Variants in TCF12 observed in about 807,000 individuals in gnomAD.
TCF12 encodes the protein DNA-binding protein HTF4.
A neutral mutation model predicts 86.0 loss-of-function variants in TCF12; 45 were observed. The observed-to-expected ratio is 0.52, with a 90% CI of 0.41 to 0.67. The LOEUF is 0.67. Among genes scored for constraint, TCF12 ranks in the 30% least tolerant of loss-of-function variants. The probability of loss-of-function intolerance (pLI) is 0.00; values close to 1 mark genes in which losing one functional copy is unlikely to be tolerated. For missense variants in TCF12, 881 were observed against 859.9 expected (o/e 1.02, Z -0.31); for synonymous variants, 330 against 299.6 (o/e 1.10, Z -1.05).
intron 5 of TCF12, among the ~76,000 whole-genome samples, chr15:57,121,102 ATTTTGGCATGATCTG>A (rs2051196567): frequency 6.6e-6 from 1 of 152,248 alleles, no homozygotes; most frequent in Admixed American, 6.5e-5. Context: ...AAGAAGTAGC[ATTTTGGCATGATCTG>A]GAGCTGACAT....
chr15:57,113,791 A>AG (rs34419158), intron 5 of TCF12, among the ~76,000 whole-genome samples: 73,862 of 148,362 alleles, frequency 0.5, 19,804 homozygotes, highest in African/African-American at 0.69. Context: ...AAAAAAAAAA[A>AG]AAAAAAAAAT....
chr15:56,959,871 G>A (rs965108423), intron 3 of TCF12, among the ~76,000 whole-genome samples: 1 of 151,978 alleles, frequency 6.6e-6, no homozygotes, highest in African/African-American at 2.4e-5. Flanking sequence ...AAGTTCACAG[G>A]CATCTGTGTC....
At chr15:57,000,668 G>A (rs960657013) in intron 3 of TCF12, among the ~76,000 whole-genome samples, 1 of 152,030 alleles carries the variant, frequency 6.6e-6, no homozygotes, top group Non-Finnish European at 1.5e-5. Flanking sequence ...TAAGAAATCA[G>A]TGAACATAAA....
chr15:57,270,489 G>T (rs140680517), intron 18 of TCF12, among the ~76,000 whole-genome samples: 1 of 151,914 alleles, frequency 6.6e-6, no homozygotes, highest in Admixed American at 6.5e-5. Context: ...TTACTTCCTC[G>T]CAGTGGGTTA....
At chr15:57,166,929 C>A (rs191319445) in intron 6 of TCF12, among the ~76,000 whole-genome samples, 7 of 152,274 alleles carry the variant, frequency 4.6e-5, no homozygotes, top group Admixed American at 4.6e-4. Context: ...TTCGACTCTC[C>A]CACCTTCTCT....
intron 3 of TCF12, among the ~76,000 whole-genome samples, chr15:57,043,276 A>AT (rs1410688733): frequency 6.6e-6 from 1 of 152,088 alleles, no homozygotes; most frequent in African/African-American, 2.4e-5. Context: ...TGAGATCCTG[A>AT]TTTTAACTCT....
chr15:56,935,001 C>G (rs1350382197), intron 3 of TCF12, among the ~76,000 whole-genome samples: 2 of 152,172 alleles, frequency 1.3e-5, no homozygotes, highest in African/African-American at 2.4e-5. Flanking sequence ...GAAGATCTAT[C>G]TTAAATTGCA....
chr15:57,141,690 G>A (rs1489567861), intron 5 of TCF12, among the ~76,000 whole-genome samples: 1 of 152,148 alleles, frequency 6.6e-6, no homozygotes, highest in African/African-American at 2.4e-5. Context: ...TTATTTCACT[G>A]GAAACAGCTA....
intron 3 of TCF12, among the ~76,000 whole-genome samples, chr15:56,932,126 A>T (rs1395745413): frequency 6.6e-6 from 1 of 152,162 alleles, no homozygotes; most frequent in Non-Finnish European, 1.5e-5. Context: ...AATAAGTTAT[A>T]ATAGCAGTAG....
intron 5 of TCF12, among the ~76,000 whole-genome samples, chr15:57,115,256 C>G (rs1340111831): frequency 3.3e-5 from 5 of 152,156 alleles, no homozygotes; most frequent in African/African-American, 7.2e-5. Context: ...TAATGTACTT[C>G]ATTCATTTAT....
intron 3 of TCF12, among the ~76,000 whole-genome samples, chr15:56,982,881 A>T (rs77674742): frequency 0.082 from 12,438 of 152,226 alleles, 718 homozygotes; most frequent in Middle Eastern, 0.17. Context: ...ATACATTCTG[A>T]ATTGCTTTTG....
rs951240701 is a variant in TCF12, at chr15:57,286,362, C to T, written c.*217C>T. 7 of 230,308 alleles carry T rather than the reference C, an allele frequency of 3.0e-5. No individual in the cohort carries two copies. In the Admixed American group the frequency reaches 3.7e-4, roughly 12 times the overall value. The allele number at this position is 230,308 out of a possible 1,614,324, so 14.3% of individuals were successfully genotyped here. Reference sequence around the variant, plus strand: ...AAGATAGGAAGCTCATCAGATAGAACATCAGCCCATGAGATGTTTGCAACA... The same window carrying T: ...AAGATAGGAAGCTCATCAGATAGAATATCAGCCCATGAGATGTTTGCAACA... On this transcript the variant is annotated 3_prime_UTR_variant, in exon 21 of 21. Coordinates refer to ENST00000333725, the MANE Select transcript of TCF12 (RefSeq NM_207037.2).
chr15:57,087,431 A>G (rs1045809452), intron 4 of TCF12, among the ~76,000 whole-genome samples: 2 of 144,614 alleles, frequency 1.4e-5, no homozygotes, highest in African/African-American at 2.6e-5. Flanking sequence ...AAAAAAATTT[A>G]TATATATATA....
At chr15:56,958,678 AGTGT>A (rs55707134) in intron 3 of TCF12, among the ~76,000 whole-genome samples, 3,329 of 142,246 alleles carry the variant, frequency 0.023, 55 homozygotes, top group East Asian at 0.035. Context: ...AGAGAGAGAG[AGTGT>A]GTGTGTGTGT....
intron 13 of TCF12, among the ~76,000 whole-genome samples, chr15:57,244,634 A>AT (rs1250390717): frequency 6.6e-6 from 1 of 151,600 alleles, no homozygotes; most frequent in East Asian, 1.9e-4. Context: ...TAATTTTTGT[A>AT]TTTTTTTGTA....
Position 57,120,895 on chromosome 15 carries a change from C to T in TCF12, c.325+29004C>T, listed in dbSNP as rs116574123. Among the ~76,000 whole-genome samples the T allele has an allele frequency of 7.3e-3, 1,118 of 152,226 alleles. 15 individuals are homozygous for T. The highest frequency in any genetic ancestry group is 0.026 in the African/African-American group (1,068 of 41,528). Reference sequence around the variant, plus strand: ...ACTCAGGATACTGAGGTTGGAGGATCACTTGGACCCAGGAGATTGAGGCTA... The same window carrying T: ...ACTCAGGATACTGAGGTTGGAGGATTACTTGGACCCAGGAGATTGAGGCTA... On this transcript the variant is annotated intron_variant, in intron 5 of 20. Coordinates refer to ENST00000333725, the MANE Select transcript of TCF12 (RefSeq NM_207037.2).
In TCF12 at chr15:57,232,335, A is replaced by T; in HGVS notation, c.730A>T (p.Met244Leu). ...TGACCTTTGGAGTTCATCAAATGGGATGAGCCAGCCTGGTTTTGGTGGAAT... is the reference window on the plus strand; with the variant it reads ...TGACCTTTGGAGTTCATCAAATGGGTTGAGCCAGCCTGGTTTTGGTGGAAT... ...SSDLWSSSNG[M>L]SQPGFGGILG... The change falls in exon 10 of 21, where the codon ATG (methionine) becomes TTG (leucine). Residue 244 changes from methionine to leucine, a missense_variant. By Grantham distance (15) the Met-to-Leu change is conservative. Around this residue, in one of 3 missense-constraint regions of TCF12, gnomAD observed 766 missense variants for 718.9 expected, o/e 1.07. Coordinates refer to ENST00000333725, the MANE Select transcript of TCF12 (RefSeq NM_207037.2). The T allele has an allele frequency of 6.2e-7, 1 of 1,613,990 alleles. No homozygotes were observed. Among genetic ancestry groups the T allele is most frequent in the Non-Finnish European group, 8.5e-7 (1 of 1,179,912 alleles).
chr15:57,235,329 C>T (rs1361538863), intron 12 of TCF12, among the ~76,000 whole-genome samples: 1 of 152,194 alleles, frequency 6.6e-6, no homozygotes, highest in African/African-American at 2.4e-5. Flanking sequence ...CCCCACATTA[C>T]AGATGAGGAA....
At chr15:57,237,487 T>A (rs1330650854) in intron 12 of TCF12, among the ~76,000 whole-genome samples, 1 of 152,054 alleles carries the variant, frequency 6.6e-6, no homozygotes, top group Non-Finnish European at 1.5e-5. Context: ...GGAGTCTCAT[T>A]TGTTGGAGTA....
Sources: allele counts gnomAD v4.1 joint callset (sites outside exome capture counted in the v4.1 genomes callset), GRCh38; gene constraint gnomAD v4.1.1; regional missense constraint gnomAD v4.1.1; transcripts MANE v1.5; gene names NCBI Gene and HGNC (gene_info 2026-07-23, HGNC 2026-07-21).